Variants in TMPRSS9 observed in about 807,000 individuals in gnomAD.
TMPRSS9 encodes the protein transmembrane protease serine 9.
Under a neutral mutation model 111.4 loss-of-function variants are expected in TMPRSS9, and 113 were observed. That is an observed-to-expected ratio of 1.01 (90% confidence interval 0.87 to 1.19). The LOEUF (loss-of-function observed/expected upper bound fraction) is 1.19, where lower values mean the gene tolerates loss of function less well. Ranked by LOEUF, TMPRSS9 falls within the 50% of genes most tolerant of loss-of-function variation. The pLI, the probability that TMPRSS9 is intolerant of heterozygous loss-of-function variation, is 0.00. For synonymous variants in TMPRSS9, 805 were observed against 659.1 expected, an observed-to-expected ratio of 1.22 and a Z score of -3.39; for missense variants, 1,803 against 1,513.1, an observed-to-expected ratio of 1.19 and a Z score of -3.18.
rs8100709 is a variant in TMPRSS9 at position 2,389,795 on chromosome 19, A to G, written c.10A>G (p.Thr4Ala). Residue 4 changes from threonine (T) to alanine (A), a missense_variant, in exon 1 of 18, where the codon ACT becomes GCT. Physicochemically the swap from Thr to Ala is moderately conservative, Grantham distance 58. Coordinates refer to ENST00000648592, the Ensembl canonical transcript of TMPRSS9. ...TGCGTGTCTCTGAGCCATGGAGCCCACTGTGGCTGACGTACACCTCGTGCC... is the reference window on the plus strand; with the variant it reads ...TGCGTGTCTCTGAGCCATGGAGCCCGCTGTGGCTGACGTACACCTCGTGCC... 9.8e-3 allele frequency: 15,835 copies of G among 1,613,034 alleles called. 1,072 individuals carry two copies. The African/African-American group carries it at 0.17, about 17-fold the overall frequency.
chr19:2,364,585 A>G (rs577755257), intron 1 of TMPRSS9, among the ~76,000 whole-genome samples: 4 of 152,162 alleles, frequency 2.6e-5, no homozygotes, highest in African/African-American at 9.6e-5. Context: ...TTATGAAAAA[A>G]AAAATTGGGG....
chr19:2,418,346 TTTCCCTCCCTCCCTCCCTTCCC>T (rs1971325268), intron 13 of TMPRSS9, among the ~76,000 whole-genome samples: 2 of 29,132 alleles, frequency 6.9e-5, no homozygotes, highest in Admixed American at 5.4e-4. Flanking sequence ...CTTCCCTCCC[TTTCCCTCCCTCCCTCCCTTCCC>T]TTCCCTCCCT....
chr19:2,362,881 T>A (rs142264578), intron 1 of TMPRSS9, among the ~76,000 whole-genome samples: 69 of 151,584 alleles, frequency 4.6e-4, no homozygotes, highest in African/African-American at 1.5e-3. Flanking sequence ...TTGTAATGTG[T>A]GGTTGTGTTT....
chr19:2,411,379 A>G (rs1412782792), intron 9 of TMPRSS9, among the ~76,000 whole-genome samples: 1 of 139,826 alleles, frequency 7.2e-6, no homozygotes, highest in Non-Finnish European at 1.5e-5. Flanking sequence ...GTATACCTGG[A>G]ACCTTCTTTT....
rs187218963 is a variant in TMPRSS9, at chr19:2,401,085, T to A, written c.515-890T>A. Among the ~76,000 whole-genome samples the A allele has an allele frequency of 1.2e-3, 173 of 141,890 alleles. 3 individuals carry two copies. In the East Asian group the frequency reaches 0.022, roughly 18 times the overall value. 93.1% of individuals were successfully genotyped at this position (141,890 alleles called of 152,430 possible). On this transcript the variant is annotated intron_variant, in intron 4 of 17. Transcript: ENST00000648592. ...GTCAGGAGATCGAGACCATCCTGGC[T>A]AACACGGTGAAACCCCGTCTCTACT... is the stretch of plus-strand genomic sequence containing the variant.
intron 2 of TMPRSS9, among the ~76,000 whole-genome samples, chr19:2,396,948 TCTCA>T (rs751416178): frequency 2.7e-5 from 4 of 150,598 alleles, no homozygotes; most frequent in South Asian, 2.1e-4. Context: ...TGAGACGGAG[TCTCA>T]CTCTGTCACC....
At chr19:2,378,938 A>G (rs889680341) in intron 1 of TMPRSS9, among the ~76,000 whole-genome samples, 1 of 152,076 alleles carries the variant, frequency 6.6e-6, no homozygotes, top group Non-Finnish European at 1.5e-5. Flanking sequence ...ACTCACTATT[A>G]TGAGAACAGG....
chr19:2,361,851 G>GC (rs1430984310), intron 1 of TMPRSS9, among the ~76,000 whole-genome samples: 23 of 152,306 alleles, frequency 1.5e-4, no homozygotes, highest in African/African-American at 5.5e-4. Context: ...CACCTTGTGG[G>GC]CCGCGTGGTG....
intron 1 of TMPRSS9, among the ~76,000 whole-genome samples, chr19:2,365,987 A>T (rs1039784588): frequency 3.3e-5 from 5 of 151,806 alleles, no homozygotes; most frequent in Non-Finnish European, 4.4e-5. Flanking sequence ...AAATAATTTT[A>T]AAAAAGAGAT....
upstream of TMPRSS9, among the ~76,000 whole-genome samples, chr19:2,387,829 G>T (rs1970509693): frequency 6.6e-6 from 1 of 152,138 alleles, no homozygotes; most frequent in African/African-American, 2.4e-5. Context: ...GGATTTTAGT[G>T]TGTGTGTCGC....
chr19:2,405,488 G>A lies in TMPRSS9; in HGVS notation c.785G>A (p.Cys262Tyr), dbSNP rs1356639580. 6.2e-7 allele frequency: 1 copy of A among 1,605,988 alleles called. No individual in the cohort carries two copies. Among genetic ancestry groups the A allele is most frequent in the Non-Finnish European group, 8.5e-7 (1 of 1,177,354 alleles). The change falls in exon 7 of 18, where the codon TGT (cysteine) becomes TAT (tyrosine). Residue 262 changes from cysteine (C) to tyrosine (Y), a missense_variant. Coordinates refer to ENST00000648592, the Ensembl canonical transcript of TMPRSS9. ...CTTCGAGAGAACAAGGAGCACTTCT[G>A]TGGGGCCGCCATCATCAACGCCAGG...
intron 1 of TMPRSS9, among the ~76,000 whole-genome samples, chr19:2,381,384 G>A (rs1395190624): frequency 6.6e-6 from 1 of 151,688 alleles, no homozygotes; most frequent in Admixed American, 6.6e-5. Flanking sequence ...GTGTGTTGGG[G>A]AGTGAGCTCA....
In TMPRSS9 at chr19:2,418,387, TTCCCTCCCTGG is replaced by T. The variant is rs1971331828; in HGVS notation, c.2154+250_2154+260del. Among the ~76,000 whole-genome samples the T allele has an allele frequency of 4.5e-4, 13 of 28,652 alleles. 5 individuals are homozygous for T. The highest frequency in any genetic ancestry group is 5.4e-4 in the Non-Finnish European group (8 of 14,896). 18.8% of individuals were successfully genotyped at this position (28,652 alleles called of 152,430 possible). ...CCTTCCCTTCCCTCCCTCCCTTTCC[TTCCCTCCCTGG>T]CCTTTCCTTCCATTCCTTCCCTCCC... On this transcript the variant is annotated intron_variant, in intron 13 of 17. Coordinates refer to ENST00000648592, the Ensembl canonical transcript of TMPRSS9.
chr19:2,405,630 T>G, intron 7 of TMPRSS9, 85 bp downstream of exon 8: 1 of 1,379,072 alleles, frequency 7.3e-7, no homozygotes, highest in Non-Finnish European at 9.6e-7. Flanking sequence ...CACTTCTGGT[T>G]TCCTTAGAGC....
chr19:2,410,152 G>C, intron 8 of TMPRSS9, 106 bp from the exon 10 acceptor site: 1 of 1,514,796 alleles, frequency 6.6e-7, no homozygotes, highest in Non-Finnish European at 8.9e-7. Context: ...TGGAGCTGGG[G>C]AAACTGAGGG....
intron 7 of TMPRSS9, among the ~76,000 whole-genome samples, chr19:2,407,836 G>C (rs1293963703): frequency 6.6e-6 from 1 of 151,736 alleles, no homozygotes; most frequent in African/African-American, 2.4e-5. Flanking sequence ...CCAGGCTGGA[G>C]TGCAGTGGCA....
At chr19:2,389,131 T>A (rs1296581590), upstream of TMPRSS9, among the ~76,000 whole-genome samples, 4 of 150,602 alleles carry the variant, frequency 2.7e-5, no homozygotes, top group Non-Finnish European at 5.9e-5. Flanking sequence ...TGGAGTGCAG[T>A]GGCGTGATCT....
At chr19:2,403,845 T>A (rs1970907496) in intron 6 of TMPRSS9, among the ~76,000 whole-genome samples, 1 of 151,738 alleles carries the variant, frequency 6.6e-6, no homozygotes, top group Admixed American at 6.6e-5. Context: ...TACAAAAAAT[T>A]AGCCGGGCGT....
intron 9 of TMPRSS9, among the ~76,000 whole-genome samples, chr19:2,411,395 T>TTC (rs1197327335): frequency 7.8e-6 from 1 of 127,924 alleles, no homozygotes; most frequent in African/African-American, 3.3e-5. Context: ...CTTTTTCTTC[T>TTC]TCTTCTTTTT....
Sources: allele counts gnomAD v4.1 joint callset (sites outside exome capture counted in the v4.1 genomes callset), GRCh38; gene constraint gnomAD v4.1.1; transcripts MANE v1.5; gene names NCBI Gene and HGNC (gene_info 2026-07-23, HGNC 2026-07-21).